BRF1: variants seen among roughly 807,000 people sequenced by gnomAD.
The protein encoded by BRF1 is BRF1 general transcription factor IIIB subunit, also known as transcription factor IIIB 90 kDa subunit.
Under a neutral mutation model 81.7 loss-of-function variants are expected in BRF1, and 59 were observed. The observed-to-expected ratio is 0.72, with a 90% confidence interval of 0.59 to 0.90. The LOEUF is 0.90. Ranked by LOEUF, BRF1 falls within the 40% of genes least tolerant of loss-of-function variation. The pLI is 0.00. For synonymous variants in BRF1, 491 were observed against 395.6 expected (o/e 1.24, Z -2.86); for missense variants, 1,050 against 936.3 (o/e 1.12, Z -1.58).
chr14:105,221,186 A>G (rs1175184779), intron 11 of BRF1, among the ~76,000 whole-genome samples: 2 of 152,186 alleles, frequency 1.3e-5, no homozygotes, highest in African/African-American at 4.8e-5. Context: ...TAGAGCTCCC[A>G]GCCAAATGGG....
intron 5 of BRF1, among the ~76,000 whole-genome samples, chr14:105,243,813 T>C (rs888376919): frequency 3.2e-4 from 49 of 151,660 alleles, no homozygotes; most frequent in Non-Finnish European, 2.6e-4. Flanking sequence ...CTGGCCAATA[T>C]AGTGAAACCC....
intron 3 of BRF1, among the ~76,000 whole-genome samples, chr14:105,266,795 G>A (rs999612950): frequency 6.6e-6 from 1 of 152,158 alleles, no homozygotes; most frequent in African/African-American, 2.4e-5. Flanking sequence ...TAGAATCCCA[G>A]CACTTTGGGA....
intron 1 of BRF1, among the ~76,000 whole-genome samples, chr14:105,313,534 T>C (rs1165636421): frequency 6.6e-6 from 1 of 152,210 alleles, no homozygotes; most frequent in African/African-American, 2.4e-5. Flanking sequence ...TTTGCAGTTC[T>C]AGATACAGGA....
At chr14:105,259,527 A>G (rs1428547251) in intron 3 of BRF1, among the ~76,000 whole-genome samples, 1 of 152,216 alleles carries the variant, frequency 6.6e-6, no homozygotes, top group South Asian at 2.1e-4. Context: ...AAAAACGGGG[A>G]GCAGTCCAGG....
chr14:105,245,916 C>T (rs747135160), intron 5 of BRF1, among the ~76,000 whole-genome samples: 2 of 152,132 alleles, frequency 1.3e-5, no homozygotes, highest in Non-Finnish European at 2.9e-5. Flanking sequence ...TAAAAATAGA[C>T]AAATGGGATG....
At chr14:105,256,194 A>G in intron 4 of BRF1, 1 of 1,531,100 alleles carries the variant, frequency 6.5e-7, no homozygotes, top group Non-Finnish European at 8.7e-7. Context: ...GGTACTCACA[A>G]AAAAATTTTT....
In BRF1 at chr14:105,284,462, G is replaced by C. The variant is rs2057239152; in HGVS notation, c.265+1834C>G. 6.6e-6 allele frequency among the ~76,000 whole-genome samples: 1 copy of C among 152,174 alleles called. No individual in the cohort carries two copies. Among genetic ancestry groups the C allele is most frequent in the African/African-American group, 2.4e-5 (1 of 41,430 alleles). ...GCCAGGAGCAGAGGCAGGTGCTCAA[G>C]AGCCCGGCCTCCTGGAGATGGCCCA... is the stretch of plus-strand genomic sequence containing the variant. On this transcript the variant is annotated intron_variant, in intron 2 of 17. Coordinates refer to ENST00000547530, the MANE Select transcript of BRF1 (RefSeq NM_001519.4). The surrounding 1 kb of genome is among the most constrained non-coding windows in gnomAD (Gnocchi z 4.0).
At position 105,293,481 on chromosome 14, in the gene BRF1, C is replaced by A. The variant is rs1270813140; in HGVS notation, c.184+6965G>T. 7.2e-5 allele frequency among the ~76,000 whole-genome samples: 11 copies of A among 152,346 alleles called. No individual in the cohort carries two copies. In the South Asian group the frequency reaches 1.9e-3, roughly 26 times the overall value. ...CCTTGCACAGGACGAGGAGGGACCC[C>A]TGCAAGCAGGAGCCCAGGATGTCTG... On this transcript the variant is annotated intron_variant, in intron 1 of 17. Transcript: ENST00000547530.
intron 4 of BRF1, among the ~76,000 whole-genome samples, chr14:105,254,857 C>T (rs1406800386): frequency 2.0e-5 from 3 of 152,212 alleles, no homozygotes; most frequent in South Asian, 2.1e-4. Flanking sequence ...CCACCGCGCC[C>T]GGCCTAAATA....
chr14:105,218,856 G>A, intron 14 of BRF1, 142 bp downstream of exon 14: 1 of 1,198,212 alleles, frequency 8.3e-7, no homozygotes, highest in South Asian at 1.4e-5. Context: ...CGTGGGTCTG[G>A]GGTCCAGAGC....
At chr14:105,274,637 C>T (rs2056803366) in intron 2 of BRF1, among the ~76,000 whole-genome samples, 1 of 152,256 alleles carries the variant, frequency 6.6e-6, no homozygotes, top group Non-Finnish European at 1.5e-5. Flanking sequence ...AGGGAAATGG[C>T]AAAGCTGCCC....
In BRF1 at chr14:105,209,603, G is replaced by A. The variant is rs759189237; in HGVS notation, c.*948C>T. On this transcript the variant is annotated 3_prime_UTR_variant, in exon 18 of 18. Coordinates refer to ENST00000547530, the MANE Select transcript of BRF1 (RefSeq NM_001519.4). ...ACGAGTGGTACTGGGGCCTTCCCAC[G>A]AAGAGGCCTGGGGAGGCTCTCGGGC... is the stretch of plus-strand genomic sequence containing the variant. The A allele has an allele frequency of 1.0e-4, 73 of 702,268 alleles. No homozygotes were observed. The highest frequency in any genetic ancestry group is 1.5e-4 in the Non-Finnish European group (59 of 384,632). The allele number at this position is 702,268 out of a possible 1,614,324, so 43.5% of individuals were successfully genotyped here.
intron 5 of BRF1, chr14:105,249,980 G>T: frequency 6.2e-7 from 1 of 1,612,548 alleles, no homozygotes; most frequent in Non-Finnish European, 8.5e-7. Context: ...CCTGAACTGG[G>T]CCGAGGCGGA....
At chr14:105,273,933 A>C (rs1881527565) in intron 2 of BRF1, among the ~76,000 whole-genome samples, 1 of 152,186 alleles carries the variant, frequency 6.6e-6, no homozygotes, top group African/African-American at 2.4e-5. Flanking sequence ...TAAAAGAGGA[A>C]GGCCTCTTGC....
rs138035634 is a variant in BRF1, at chr14:105,229,499, G to C, written c.695-586C>G. Reference sequence around the variant, plus strand: ...TGAGGAGTGAGGGCCCTGCCGACCTGGGGCTCCAATTCCGGAGCTGGGGTA... The same window carrying C: ...TGAGGAGTGAGGGCCCTGCCGACCTCGGGCTCCAATTCCGGAGCTGGGGTA... On this transcript the variant is annotated intron_variant, in intron 6 of 17. Coordinates refer to ENST00000547530, the MANE Select transcript of BRF1 (RefSeq NM_001519.4). 8.6e-3 allele frequency among the ~76,000 whole-genome samples: 1,304 copies of C among 152,314 alleles called. 9 individuals carry two copies. Among genetic ancestry groups the C allele is most frequent in the Admixed American group, 0.018 (277 of 15,296 alleles).
At chr14:105,245,988 G>A (rs979034560) in intron 5 of BRF1, among the ~76,000 whole-genome samples, 6 of 152,180 alleles carry the variant, frequency 3.9e-5, no homozygotes, top group African/African-American at 1.4e-4. Context: ...ATATCCTATA[G>A]AATGGAAGAG....
chr14:105,286,823 G>A (rs2057332662), intron 1 of BRF1, among the ~76,000 whole-genome samples: 1 of 152,204 alleles, frequency 6.6e-6, no homozygotes, highest in Non-Finnish European at 1.5e-5. Flanking sequence ...CACACTGCAA[G>A]TCCAGAGTGG....
At position 105,249,389 on chromosome 14, in the gene BRF1, C is replaced by T. The variant is rs367672571; in HGVS notation, c.544+3118G>A. 4 of 1,613,030 alleles carry T rather than the reference C, an allele frequency of 2.5e-6. No homozygotes were observed. In the South Asian group the frequency reaches 3.3e-5, roughly 13 times the overall value. On this transcript the variant is annotated intron_variant, in intron 5 of 17. Transcript: ENST00000547530. ...TCTTGGCTGTCGGCAGCTCCGTCTT[C>T]TATGCCATGTTCTACGGAGACCTGG... is the stretch of plus-strand genomic sequence containing the variant.
intron 5 of BRF1, 90 bp from the exon 6 acceptor site, chr14:105,241,504 C>T (rs992426993): frequency 2.6e-6 from 4 of 1,539,312 alleles, no homozygotes; most frequent in African/African-American, 2.7e-5. Context: ...GGGCAACCTG[C>T]ACTTGTCTTT....
Sources: allele counts gnomAD v4.1 joint callset (sites outside exome capture counted in the v4.1 genomes callset), GRCh38; gene constraint gnomAD v4.1.1; non-coding constraint Gnocchi (gnomAD v3.1); transcripts MANE v1.5; gene names NCBI Gene and HGNC (gene_info 2026-07-23, HGNC 2026-07-21).